Variants in FBXO11 observed in about 807,000 individuals in gnomAD.
FBXO11 encodes the protein F-box only protein 11.
In FBXO11, 13 loss-of-function variants were observed where a neutral mutation model predicts 117.0. The ratio of observed to expected loss-of-function variants is 0.11; its 90% confidence interval spans 0.07 to 0.18. The LOEUF (loss-of-function observed/expected upper bound fraction) is 0.18. Among genes scored for constraint, FBXO11 ranks in the 10% least tolerant of loss-of-function variants. FBXO11 has a pLI of 1.00. For missense variants in FBXO11, 767 were observed against 1,164.4 expected, an observed-to-expected ratio of 0.66 and a Z score of 4.97; for synonymous variants, 490 against 380.5, an observed-to-expected ratio of 1.29 and a Z score of -3.35.
intron 1 of FBXO11, among the ~76,000 whole-genome samples, chr2:47,869,574 T>G (rs945515785): frequency 6.6e-6 from 1 of 152,132 alleles, no homozygotes; most frequent in Non-Finnish European, 1.5e-5. Context: ...ACATCAGGAA[T>G]GAAGGTTTGG....
intron 1 of FBXO11, among the ~76,000 whole-genome samples, chr2:47,887,604 T>A (rs1676958162): frequency 6.6e-6 from 1 of 152,094 alleles, no homozygotes; most frequent in Non-Finnish European, 1.5e-5. Flanking sequence ...CTCATGCTTG[T>A]AATCCCAGTA....
chr2:47,906,066 CGCGGCGGCG>C lies in FBXO11; in HGVS notation c.-355_-347del, dbSNP rs533249335. ...GCCGCTTGGGGATCCCGAGGCGAAG[CGCGGCGGCG>C]GCGGCGGCGGCGGCTGAAGAGACAG... On this transcript the variant is annotated 5_prime_UTR_variant, in exon 1 of 23. Transcript: ENST00000403359. 2.8e-3 allele frequency: 491 copies of C among 173,494 alleles called. 2 individuals carry two copies. Among genetic ancestry groups the C allele is most frequent in the Middle Eastern group, 0.018 (6 of 326 alleles). The allele number at this position is 173,494 out of a possible 1,614,324, so 10.7% of individuals were successfully genotyped here. A position where few individuals can be genotyped will look rare whatever the true frequency, so the allele number is the denominator to read the frequency against.
intron 16 of FBXO11, 49 bp downstream of exon 16, chr2:47,818,730 C>A: frequency 7.4e-7 from 1 of 1,343,964 alleles, no homozygotes; most frequent in Non-Finnish European, 1.0e-6. Context: ...ACACACCCCA[C>A]ATACTCCTAA....
chr2:47,846,146 G>C (rs1673388835), intron 1 of FBXO11, among the ~76,000 whole-genome samples: 1 of 152,192 alleles, frequency 6.6e-6, no homozygotes, highest in Non-Finnish European at 1.5e-5. Context: ...TTATGGTTTT[G>C]TGCCAACAAG....
chr2:47,858,744 C>G (rs191221799), intron 1 of FBXO11, among the ~76,000 whole-genome samples: 19 of 146,102 alleles, frequency 1.3e-4, no homozygotes, highest in Admixed American at 2.7e-4. Flanking sequence ...AAAACCTGAA[C>G]TGACTTATCT....
chr2:47,848,623 T>A (rs569142441), intron 1 of FBXO11, among the ~76,000 whole-genome samples: 1 of 152,356 alleles, frequency 6.6e-6, no homozygotes, highest in East Asian at 1.9e-4. Flanking sequence ...ATTTCTAGAT[T>A]TTACTACAAA....
chr2:47,809,158 C>A lies in FBXO11; in HGVS notation c.2555G>T (p.Arg852Ile). 6.6e-7 allele frequency: 1 copy of A among 1,517,120 alleles called. No individual in the cohort carries two copies. Among genetic ancestry groups the A allele is most frequent in the Non-Finnish European group, 9.0e-7 (1 of 1,105,344 alleles). 94.0% of individuals were successfully genotyped at this position (1,517,120 alleles called of 1,614,324 possible). Residue 852 changes from arginine to isoleucine, a missense_variant and splice_region_variant, in exon 21 of 23, where the codon AGA becomes ATA. Physicochemically the swap from Arg to Ile is moderately conservative, Grantham distance 97. Around this residue, in one of 10 missense-constraint regions of FBXO11, gnomAD observed 47 missense variants for 117.3 expected, o/e 0.40. Coordinates refer to ENST00000403359, the MANE Select transcript of FBXO11 (RefSeq NM_001190274.2). ...YTSYPMHDFY[R>I]CHTCNTTDRN... The stretch of plus-strand genomic sequence containing the variant: ...GGACTCAAATATATTTCTAAGTTAC[C>A]TGTAGAAATCATGCATGGGATAGCT...
At chr2:47,867,211 C>A (rs1572873203) in intron 1 of FBXO11, among the ~76,000 whole-genome samples, 1 of 152,332 alleles carries the variant, frequency 6.6e-6, no homozygotes, top group Non-Finnish European at 1.5e-5. Context: ...AATCTCCAGT[C>A]TAGCTTAAAA....
At chr2:47,887,603 G>A (rs1487166004) in intron 1 of FBXO11, among the ~76,000 whole-genome samples, 1 of 152,092 alleles carries the variant, frequency 6.6e-6, no homozygotes, top group Non-Finnish European at 1.5e-5. Context: ...GCTCATGCTT[G>A]TAATCCCAGT....
chr2:47,848,789 A>G lies in FBXO11; in HGVS notation c.233-9020T>C, dbSNP rs145235502. 2.4e-3 allele frequency among the ~76,000 whole-genome samples: 371 copies of G among 152,308 alleles called. 4 individuals carry two copies. The East Asian group carries it at 0.027, about 11-fold the overall frequency. On this transcript the variant is annotated intron_variant, in intron 1 of 22. Coordinates refer to ENST00000403359, the MANE Select transcript of FBXO11 (RefSeq NM_001190274.2). ...ACTGAAAATTTATTTTAGGATTCAA[A>G]TAAGATTCCTAACTGTCTTGACTCT... is the stretch of plus-strand genomic sequence containing the variant.
At chr2:47,813,095 TA>T in intron 18 of FBXO11, 138 bp downstream of exon 18, 1 of 916,880 alleles carries the variant, frequency 1.1e-6, no homozygotes, top group Non-Finnish European at 1.8e-6. Flanking sequence ...ACTAATCTCC[TA>T]AACCAGTTCA....
chr2:47,809,814 C>T (rs1670485432), intron 19 of FBXO11, 107 bp from the exon 20 acceptor site: 2 of 683,364 alleles, frequency 2.9e-6, no homozygotes, highest in East Asian at 5.4e-5. Context: ...AGTACATTAA[C>T]CCTCTTAATG....
intron 1 of FBXO11, among the ~76,000 whole-genome samples, chr2:47,847,337 T>C (rs546033459): frequency 1.3e-4 from 20 of 152,356 alleles, no homozygotes; most frequent in Non-Finnish European, 2.2e-4. Flanking sequence ...GTTACTGTAC[T>C]GTACTGAACA....
chr2:47,808,503 C>G lies in FBXO11; in HGVS notation c.2556-76G>C, dbSNP rs538163938. Reference sequence around the variant, plus strand: ...AACATTCCATTCTGTTTATATATTACTATGACCTTTGGCTTTAAGAGGACC... The same window carrying G: ...AACATTCCATTCTGTTTATATATTAGTATGACCTTTGGCTTTAAGAGGACC... On this transcript the variant is annotated intron_variant, in intron 21 of 22. Coordinates refer to ENST00000403359, the MANE Select transcript of FBXO11 (RefSeq NM_001190274.2). The G allele has an allele frequency of 3.4e-5, 45 of 1,321,498 alleles. No homozygotes were observed. The East Asian group carries it at 1.0e-3, about 30-fold the overall frequency. 81.9% of individuals were successfully genotyped at this position (1,321,498 alleles called of 1,614,324 possible).
chr2:47,835,207 A>C (rs115450784), intron 5 of FBXO11, among the ~76,000 whole-genome samples: 1 of 152,200 alleles, frequency 6.6e-6, no homozygotes, highest in Non-Finnish European at 1.5e-5. Flanking sequence ...TCCCATTGTG[A>C]CAATCAAAAA....
chr2:47,843,183 G>A (rs1432149938), intron 1 of FBXO11, among the ~76,000 whole-genome samples: 1 of 152,182 alleles, frequency 6.6e-6, no homozygotes, highest in Non-Finnish European at 1.5e-5. Flanking sequence ...GGTCTAATAT[G>A]TGTAATTCTA....
At chr2:47,898,913 T>C (rs773896493) in intron 1 of FBXO11, among the ~76,000 whole-genome samples, 5 of 152,106 alleles carry the variant, frequency 3.3e-5, no homozygotes, top group Admixed American at 6.5e-5. Context: ...TGCATCTTCA[T>C]TGTTGTATAG....
chr2:47,897,512 C>A (rs1035965520), intron 1 of FBXO11, among the ~76,000 whole-genome samples: 3 of 152,114 alleles, frequency 2.0e-5, no homozygotes, highest in Admixed American at 6.5e-5. Flanking sequence ...GCTTGGCCAA[C>A]GTGGGGAAAC....
chr2:47,832,266 G>A, intron 11 of FBXO11, 83 bp downstream of exon 11: 1 of 1,161,130 alleles, frequency 8.6e-7, no homozygotes, highest in Non-Finnish European at 1.2e-6. Flanking sequence ...AGATAATTTG[G>A]TGATGAGAAA....
Sources: allele counts gnomAD v4.1 joint callset (sites outside exome capture counted in the v4.1 genomes callset), GRCh38; gene constraint gnomAD v4.1.1; regional missense constraint gnomAD v4.1.1; transcripts MANE v1.5; gene names NCBI Gene and HGNC (gene_info 2026-07-23, HGNC 2026-07-21).